The following SGCZ variants were observed in gnomAD, a reference collection of about 807,000 sequenced individuals.
SGCZ encodes sarcoglycan zeta.
In SGCZ, 40 loss-of-function variants were observed where a neutral mutation model predicts 41.3. The ratio of observed to expected loss-of-function variants is 0.97; its 90% confidence interval spans 0.75 to 1.26. The LOEUF (loss-of-function observed/expected upper bound fraction) is 1.26. Ranked by LOEUF, SGCZ falls within the 50% of genes most tolerant of loss-of-function variation. SGCZ has a pLI of 0.00. For missense variants in SGCZ, 552 were observed against 369.8 expected (o/e 1.49, Z -4.04); for synonymous variants, 206 against 137.5 (o/e 1.50, Z -3.49).
At chr8:14,757,090 C>A (rs187302083) in intron 1 of SGCZ, among the ~76,000 whole-genome samples, 54 of 152,284 alleles carry the variant, frequency 3.5e-4, no homozygotes, top group African/African-American at 1.3e-3. Flanking sequence ...GGTCTGTCAC[C>A]TAGGCTGGAG....
chr8:14,981,856 G>A (rs1283928211), intron 1 of SGCZ, among the ~76,000 whole-genome samples: 1 of 152,072 alleles, frequency 6.6e-6, no homozygotes, highest in Non-Finnish European at 1.5e-5. Flanking sequence ...ATTTCAAAAG[G>A]GAATGACATT....
At chr8:14,462,402 T>C (rs1198990205) in intron 2 of SGCZ, among the ~76,000 whole-genome samples, 4 of 152,046 alleles carry the variant, frequency 2.6e-5, no homozygotes, top group African/African-American at 9.7e-5. Flanking sequence ...TTAGTGTTGT[T>C]TAGTACACTC....
At chr8:15,066,315 C>CAAAAAA (rs34127345) in intron 1 of SGCZ, among the ~76,000 whole-genome samples, 5 of 106,920 alleles carry the variant, frequency 4.7e-5, no homozygotes, top group African/African-American at 1.1e-4. Context: ...ACTCCGTCTC[C>CAAAAAA]AAAAAAAAAA....
chr8:14,346,370 C>T (rs1217029655), intron 2 of SGCZ, among the ~76,000 whole-genome samples: 2 of 151,952 alleles, frequency 1.3e-5, no homozygotes, highest in African/African-American at 4.8e-5. Context: ...AGGAACAAAA[C>T]ATTCTACTGA....
intron 2 of SGCZ, among the ~76,000 whole-genome samples, chr8:14,501,450 A>T (rs1334077588): frequency 6.6e-6 from 1 of 152,016 alleles, no homozygotes; most frequent in Non-Finnish European, 1.5e-5. Flanking sequence ...TACTTTATTT[A>T]TGCCTACAAA....
chr8:14,177,783 C>T (rs1804591660), intron 4 of SGCZ, among the ~76,000 whole-genome samples: 1 of 151,142 alleles, frequency 6.6e-6, no homozygotes, highest in Non-Finnish European at 1.5e-5. Context: ...CTCAGCCTCC[C>T]AAAGTGCTGG....
chr8:14,266,443 C>T (rs1037615102), intron 3 of SGCZ, among the ~76,000 whole-genome samples: 3 of 151,944 alleles, frequency 2.0e-5, no homozygotes, highest in Admixed American at 2.0e-4. Flanking sequence ...TTTCTCAAGA[C>T]ATGATATTTG....
rs925200680 is a variant in SGCZ, at chr8:14,347,186, C to T, written c.235-22982G>A. 3.9e-5 allele frequency among the ~76,000 whole-genome samples: 6 copies of T among 152,108 alleles called. No homozygotes were observed. In the South Asian group the frequency reaches 6.2e-4, roughly 16 times the overall value. Reference sequence around the variant, plus strand: ...ACTACTCATTTTTCTTAGAAGTCTACGATCTAACATTTGATAGAGCCTGGC... The same window carrying T: ...ACTACTCATTTTTCTTAGAAGTCTATGATCTAACATTTGATAGAGCCTGGC... On this transcript the variant is annotated intron_variant, in intron 2 of 7. Coordinates refer to ENST00000382080, the MANE Select transcript of SGCZ (RefSeq NM_139167.4).
chr8:14,633,441 T>C lies in SGCZ; in HGVS notation c.40-78515A>G, dbSNP rs961872028. Reference sequence around the variant, plus strand: ...AATAAGTAACCTATTACTTAACATATAACAAGCATGAAATAAGTTATTTCA... The same window carrying C: ...AATAAGTAACCTATTACTTAACATACAACAAGCATGAAATAAGTTATTTCA... On this transcript the variant is annotated intron_variant, in intron 1 of 7. Coordinates refer to ENST00000382080, the MANE Select transcript of SGCZ (RefSeq NM_139167.4). 2.6e-5 allele frequency among the ~76,000 whole-genome samples: 4 copies of C among 152,106 alleles called. 1 individual carries two copies. The highest frequency in any genetic ancestry group is 3.9e-4 in the East Asian group (2 of 5,166).
At chr8:14,349,605 C>A (rs6983415) in intron 2 of SGCZ, among the ~76,000 whole-genome samples, 4,049 of 152,134 alleles carry the variant, frequency 0.027, 152 homozygotes, top group African/African-American at 0.091. Flanking sequence ...TAGTGGAGGA[C>A]AGATTAACAA....
At chr8:14,549,065 C>A (rs140773668) in intron 2 of SGCZ, among the ~76,000 whole-genome samples, 1 of 151,964 alleles carries the variant, frequency 6.6e-6, no homozygotes, top group East Asian at 1.9e-4. Context: ...AGTTAATTGC[C>A]GGCCAATGCT....
intron 4 of SGCZ, among the ~76,000 whole-genome samples, chr8:14,229,132 G>A (rs1158410398): frequency 3.9e-5 from 6 of 152,084 alleles, no homozygotes; most frequent in Non-Finnish European, 8.8e-5. Context: ...AAAATCTCTA[G>A]AATTCCCTGA....
chr8:14,843,867 T>C (rs1803009233), intron 1 of SGCZ, among the ~76,000 whole-genome samples: 1 of 151,944 alleles, frequency 6.6e-6, no homozygotes, highest in Non-Finnish European at 1.5e-5. Context: ...CTAGTCTTAG[T>C]TCTGTTCAAG....
intron 4 of SGCZ, among the ~76,000 whole-genome samples, chr8:14,234,555 G>A (rs563860215): frequency 6.6e-6 from 1 of 152,108 alleles, no homozygotes; most frequent in Admixed American, 6.5e-5. Flanking sequence ...CTTAGAAAAT[G>A]AAGAGTAACT....
chr8:14,098,053 T>G (rs1451357562), intron 7 of SGCZ, among the ~76,000 whole-genome samples: 1 of 152,230 alleles, frequency 6.6e-6, no homozygotes, highest in Non-Finnish European at 1.5e-5. Flanking sequence ...TAGAATCATA[T>G]TGAATTTTTA....
intron 1 of SGCZ, among the ~76,000 whole-genome samples, chr8:14,817,673 T>A (rs756350424): frequency 6.6e-6 from 1 of 152,182 alleles, no homozygotes; most frequent in Non-Finnish European, 1.5e-5. Context: ...TGAACCCACA[T>A]GGCACCACCC....
chr8:14,478,382 A>G (rs1407672160), intron 2 of SGCZ, among the ~76,000 whole-genome samples: 1 of 152,238 alleles, frequency 6.6e-6, no homozygotes, highest in Non-Finnish European at 1.5e-5. Context: ...ACATAAAAAT[A>G]CATGAAGGAA....
intron 2 of SGCZ, among the ~76,000 whole-genome samples, chr8:14,414,222 G>C (rs75934695): frequency 2.6e-5 from 4 of 151,414 alleles, no homozygotes; most frequent in Non-Finnish European, 5.9e-5. Context: ...ACACGCACAC[G>C]CTAGAGAGAG....
Position 14,842,425 on chromosome 8 carries a change from A to AAAGGG in SGCZ, c.40-287504_40-287500dup, listed in dbSNP as rs981164161. Among the ~76,000 whole-genome samples, 6 of 149,390 alleles carry AAAGGG rather than the reference A, an allele frequency of 4.0e-5. No individual in the cohort carries two copies. In the East Asian group the frequency reaches 6.1e-4, roughly 15 times the overall value. On this transcript the variant is annotated intron_variant, in intron 1 of 7. Coordinates refer to ENST00000382080, the MANE Select transcript of SGCZ (RefSeq NM_139167.4). ...GAGAGAAACAAGAAAGGATGGAAAG[A>AAAGGG]AAGGGAAGGGAAGGGACAGGACAGG...
Sources: gnomAD v4.1 joint callset for allele counts (sites outside exome capture counted in the v4.1 genomes callset) on GRCh38, gnomAD v4.1.1 for gene constraint, MANE v1.5 for transcripts, NCBI Gene and HGNC (gene_info 2026-07-23, HGNC 2026-07-21) for gene names.